The following UGT1A6 variants were observed in gnomAD, a reference collection of about 807,000 sequenced individuals.
The protein encoded by UGT1A6 is UDP-glucuronosyltransferase 1A6.
In UGT1A6, 32 loss-of-function variants were observed where a neutral mutation model predicts 44.4. That is an observed-to-expected ratio of 0.72 (90% CI 0.54 to 0.97). The LOEUF is 0.97. Among genes scored for constraint, UGT1A6 ranks in the 50% least tolerant of loss-of-function variants. UGT1A6 has a pLI of 0.00. For synonymous variants in UGT1A6, 238 were observed against 248.5 expected (o/e 0.96, Z 0.40); for missense variants, 685 against 661.9 (o/e 1.03, Z -0.38).
intron 1 of UGT1A6, among the ~76,000 whole-genome samples, chr2:233,726,980 A>G (rs1337493620): frequency 1.3e-5 from 2 of 152,116 alleles, no homozygotes; most frequent in Non-Finnish European, 2.9e-5. Context: ...TTAGATTTTG[A>G]TGAGGTTCTT....
At chr2:233,735,242 T>C (rs989843667) in intron 1 of UGT1A6, among the ~76,000 whole-genome samples, 1 of 152,236 alleles carries the variant, frequency 6.6e-6, no homozygotes, top group Non-Finnish European at 1.5e-5. Context: ...CTCTTGTTGT[T>C]GAATTGCTCC....
chr2:233,725,567 G>A (rs1036939921), intron 1 of UGT1A6, among the ~76,000 whole-genome samples: 32 of 151,948 alleles, frequency 2.1e-4, no homozygotes, highest in African/African-American at 5.6e-4. Flanking sequence ...ACATATATTC[G>A]ATATAAGATT....
intron 1 of UGT1A6, among the ~76,000 whole-genome samples, chr2:233,699,342 G>A (rs1260601774): frequency 6.6e-6 from 1 of 152,020 alleles, no homozygotes; most frequent in Non-Finnish European, 1.5e-5. Context: ...TCCACCCTAG[G>A]GCTAACCTCT....
At chr2:233,763,725 A>G (rs557422136) in intron 1 of UGT1A6, among the ~76,000 whole-genome samples, 3 of 152,232 alleles carry the variant, frequency 2.0e-5, no homozygotes, top group South Asian at 2.1e-4. Flanking sequence ...AGAAAGCACA[A>G]CCTGGCATTG....
intron 1 of UGT1A6, chr2:233,718,879 T>G: frequency 6.2e-7 from 1 of 1,613,960 alleles, no homozygotes; most frequent in Non-Finnish European, 8.5e-7. Context: ...CTGCTCCTCC[T>G]CAGTGTCCAG....
At chr2:233,715,882 C>A (rs576558461) in intron 1 of UGT1A6, among the ~76,000 whole-genome samples, 1 of 152,178 alleles carries the variant, frequency 6.6e-6, no homozygotes, top group Non-Finnish European at 1.5e-5. Flanking sequence ...CCTGTGGCCC[C>A]AGCTACTTGG....
intron 1 of UGT1A6, chr2:233,741,493 A>C (rs1327060039): frequency 1.3e-5 from 2 of 151,862 alleles, no homozygotes; most frequent in Non-Finnish European, 2.9e-5. Context: ...ATGTACAAAA[A>C]ACTGAACTCA....
intron 1 of UGT1A6, chr2:233,743,969 G>T: frequency 1.5e-6 from 2 of 1,324,976 alleles, no homozygotes; most frequent in Admixed American, 2.1e-5. Flanking sequence ...CGGCAAGGCT[G>T]CCAGCACCCA....
chr2:233,750,115 A>G (rs996940371), intron 1 of UGT1A6, among the ~76,000 whole-genome samples: 2 of 151,884 alleles, frequency 1.3e-5, no homozygotes, highest in Non-Finnish European at 1.5e-5. Context: ...AGAAGACAGG[A>G]AGATGTGGGA....
chr2:233,716,198 G>C (rs2076491281), intron 1 of UGT1A6, among the ~76,000 whole-genome samples: 1 of 152,026 alleles, frequency 6.6e-6, no homozygotes, highest in African/African-American at 2.4e-5. Context: ...TCTTACATCT[G>C]TCTCTTTCAC....
chr2:233,696,068 A>T (rs1471650951), intron 1 of UGT1A6, among the ~76,000 whole-genome samples: 1 of 152,218 alleles, frequency 6.6e-6, no homozygotes, highest in Non-Finnish European at 1.5e-5. Context: ...TACAGCCACT[A>T]TGAAGAACAG....
intron 1 of UGT1A6, among the ~76,000 whole-genome samples, chr2:233,709,017 G>T (rs756510737): frequency 1.3e-5 from 2 of 152,110 alleles, no homozygotes; most frequent in Non-Finnish European, 2.9e-5. Flanking sequence ...TAATACCCAA[G>T]CAGCAGGGGC....
At chr2:233,757,745 C>T (rs1696711859) in intron 1 of UGT1A6, among the ~76,000 whole-genome samples, 1 of 151,332 alleles carries the variant, frequency 6.6e-6, no homozygotes. Context: ...GGGCACTGGA[C>T]ATGTTTATGT....
At chr2:233,739,468 AC>A (rs1365690931) in intron 1 of UGT1A6, among the ~76,000 whole-genome samples, 1 of 152,200 alleles carries the variant, frequency 6.6e-6, no homozygotes, top group Non-Finnish European at 1.5e-5. Flanking sequence ...GCTGCCTGAG[AC>A]CGTGGGAGCC....
At chr2:233,693,889 A>T (rs1290014907) in intron 1 of UGT1A6, 24 bp downstream of exon 1, 8 of 1,613,866 alleles carry the variant, frequency 5.0e-6, no homozygotes, top group African/African-American at 1.3e-5. Context: ...TTTCTTTTGG[A>T]CTGCCTTGTT....
At chr2:233,754,396 G>A (rs1026750148) in intron 1 of UGT1A6, 5 of 330,592 alleles carry the variant, frequency 1.5e-5, no homozygotes, top group East Asian at 7.7e-5. Context: ...GGTCCTATCC[G>A]TGCAGTCCCA....
chr2:233,743,340 A>AGTCGAC, intron 1 of UGT1A6: 1 of 778,214 alleles, frequency 1.3e-6, no homozygotes, highest in Non-Finnish European at 2.0e-6. Flanking sequence ...TTTCAGTGGA[A>AGTCGAC]GTCGACATGG....
At chr2:233,772,184 TA>T (rs2126065808) in intron 4 of UGT1A6, 77 bp from the exon 5 acceptor site, 1 of 1,591,636 alleles carries the variant, frequency 6.3e-7, no homozygotes, top group Admixed American at 1.8e-5. Context: ...GTAGTCTTCT[TA>T]AGCAGCCATG....
chr2:233,713,398 C>T (rs1193578945), intron 1 of UGT1A6: 1 of 1,614,084 alleles, frequency 6.2e-7, no homozygotes, highest in South Asian at 1.1e-5. Context: ...CATAATGAGG[C>T]CCTGATCAGG....
Sources: allele counts gnomAD v4.1 joint callset (sites outside exome capture counted in the v4.1 genomes callset), GRCh38; gene constraint gnomAD v4.1.1; transcripts MANE v1.5; gene names NCBI Gene and HGNC (gene_info 2026-07-23, HGNC 2026-07-21).